The following NKAIN2 variants were observed in gnomAD, a reference collection of about 807,000 sequenced individuals.
NKAIN2 encodes sodium/potassium-transporting ATPase subunit beta-1-interacting protein 2.
NKAIN2 carries 14 observed loss-of-function variants against 32.6 expected under a neutral mutation model. The ratio of observed to expected loss-of-function variants is 0.43; its 90% confidence interval spans 0.28 to 0.67. NKAIN2 has a LOEUF of 0.67. NKAIN2 is among the 30% of genes least tolerant of loss of function. The pLI is 0.17. For synonymous variants in NKAIN2, 80 were observed against 87.2 expected (o/e 0.92, Z 0.46); for missense variants, 198 against 258.3 (o/e 0.77, Z 1.60).
At chr6:123,916,725 GAT>G (rs757712867) in intron 1 of NKAIN2, among the ~76,000 whole-genome samples, 1 of 150,912 alleles carries the variant, frequency 6.6e-6, no homozygotes, top group East Asian at 1.9e-4. Context: ...TTGAGATGTA[GAT>G]ATATATGTGT....
At chr6:124,710,506 G>A (rs1056125242) in intron 4 of NKAIN2, among the ~76,000 whole-genome samples, 16 of 152,046 alleles carry the variant, frequency 1.1e-4, no homozygotes, top group Non-Finnish European at 2.1e-4. Context: ...TTATGAATCT[G>A]GGTGCTCCTG....
intron 1 of NKAIN2, among the ~76,000 whole-genome samples, chr6:124,069,457 C>G (rs565862671): frequency 6.6e-6 from 1 of 152,038 alleles, no homozygotes; most frequent in Admixed American, 6.6e-5. Context: ...ATCAAGAGTA[C>G]GCAAAATGAA....
chr6:124,693,242 C>T (rs1209544114), intron 4 of NKAIN2, among the ~76,000 whole-genome samples: 1 of 152,128 alleles, frequency 6.6e-6, no homozygotes, highest in Non-Finnish European at 1.5e-5. Flanking sequence ...TAGGTTTAGA[C>T]ATGTTTAGAT....
At chr6:124,804,419 T>G in intron 5 of NKAIN2, 1 of 714,898 alleles carries the variant, frequency 1.4e-6, no homozygotes, top group Non-Finnish European at 1.7e-6. Flanking sequence ...CTTTATTTAT[T>G]ATGATACTAT....
chr6:124,578,264 G>T (rs1277131447), intron 3 of NKAIN2, among the ~76,000 whole-genome samples: 1 of 152,010 alleles, frequency 6.6e-6, no homozygotes, highest in African/African-American at 2.4e-5. Flanking sequence ...GCAGGATCTT[G>T]GGGTCCCTGA....
At chr6:123,849,978 T>TTTTTTTTTTTTTTTTTTTTTTTG (rs1775260980) in intron 1 of NKAIN2, among the ~76,000 whole-genome samples, 1 of 140,926 alleles carries the variant, frequency 7.1e-6, no homozygotes, top group African/African-American at 2.5e-5. Context: ...TTGTTTTTTT[T>TTTTTTTTTTTTTTTTTTTTTTTG]TTAACTTTCT....
At chr6:124,270,466 A>G (rs949078613) in intron 1 of NKAIN2, among the ~76,000 whole-genome samples, 8 of 152,226 alleles carry the variant, frequency 5.3e-5, no homozygotes, top group Non-Finnish European at 1.5e-5. Context: ...CAAATTCTCC[A>G]GAGGGCAGCT....
At chr6:123,984,895 C>A (rs1251389486) in intron 1 of NKAIN2, among the ~76,000 whole-genome samples, 1 of 151,998 alleles carries the variant, frequency 6.6e-6, no homozygotes, top group Non-Finnish European at 1.5e-5. Context: ...ATTCAATAAG[C>A]AAAATTATGA....
At chr6:123,953,609 T>C (rs1777425178) in intron 1 of NKAIN2, among the ~76,000 whole-genome samples, 1 of 152,126 alleles carries the variant, frequency 6.6e-6, no homozygotes, top group Non-Finnish European at 1.5e-5. Flanking sequence ...TGGGCCCAAC[T>C]TCAGGCCCCT....
rs562403138 is a variant in NKAIN2, at chr6:124,716,287, T to C, written c.474+57901T>C. ...ACAGGGTAGTTGCCACTTTAGCTTT[T>C]GAGTTTCCCAAACAAGTTTTTTATC... On this transcript the variant is annotated intron_variant, in intron 4 of 6. Coordinates refer to ENST00000368417, the MANE Select transcript of NKAIN2 (RefSeq NM_001040214.3). Among the ~76,000 whole-genome samples the C allele has an allele frequency of 7.2e-5, 11 of 152,348 alleles. No individual in the cohort carries two copies. The East Asian group carries it at 2.1e-3, about 29-fold the overall frequency.
In NKAIN2 at chr6:124,322,792, A is replaced by C. The variant is rs78146007; in HGVS notation, c.193-32475A>C. The stretch of plus-strand genomic sequence containing the variant: ...ATAAAGACTCAGCAGTGTAATTGGC[A>C]TATCATATGGTCAGTAGGCTTTTCT... On this transcript the variant is annotated intron_variant, in intron 2 of 6. Coordinates refer to ENST00000368417, the MANE Select transcript of NKAIN2 (RefSeq NM_001040214.3). Among the ~76,000 whole-genome samples the C allele has an allele frequency of 6.5e-3, 994 of 152,284 alleles. 6 individuals carry two copies. The highest frequency in any genetic ancestry group is 0.022 in the African/African-American group (911 of 41,550).
chr6:123,969,292 CAT>C (rs1778230260), intron 1 of NKAIN2, among the ~76,000 whole-genome samples: 1 of 151,934 alleles, frequency 6.6e-6, no homozygotes. Context: ...TGAGGTAAAA[CAT>C]ATATTTTTAT....
At chr6:124,610,688 G>T (rs1232764594) in intron 3 of NKAIN2, among the ~76,000 whole-genome samples, 1 of 152,026 alleles carries the variant, frequency 6.6e-6, no homozygotes, top group Non-Finnish European at 1.5e-5. Flanking sequence ...ATGCAATCTT[G>T]CCCCATCTGG....
chr6:124,119,425 C>A (rs1187315308), intron 1 of NKAIN2, among the ~76,000 whole-genome samples: 1 of 152,134 alleles, frequency 6.6e-6, no homozygotes, highest in East Asian at 1.9e-4. Flanking sequence ...ATCTCCTTAT[C>A]AGGAAGTTGG....
At chr6:123,915,277 G>A (rs1260740861) in intron 1 of NKAIN2, among the ~76,000 whole-genome samples, 3 of 151,952 alleles carry the variant, frequency 2.0e-5, no homozygotes, top group East Asian at 1.9e-4. Context: ...TTCCACCCTC[G>A]TTTATTTTGG....
At chr6:124,185,985 G>A (rs927025557) in intron 1 of NKAIN2, among the ~76,000 whole-genome samples, 3 of 151,040 alleles carry the variant, frequency 2.0e-5, no homozygotes, top group Non-Finnish European at 2.9e-5. Flanking sequence ...AATAGGAACC[G>A]TAGAAGCTCG....
intron 4 of NKAIN2, among the ~76,000 whole-genome samples, chr6:124,769,544 A>T (rs1297408552): frequency 6.6e-6 from 1 of 152,136 alleles, no homozygotes; most frequent in African/African-American, 2.4e-5. Flanking sequence ...CAACTAGATT[A>T]ACTTTGAAAG....
At chr6:124,132,768 G>A (rs748047880) in intron 1 of NKAIN2, among the ~76,000 whole-genome samples, 1 of 152,202 alleles carries the variant, frequency 6.6e-6, no homozygotes, top group Non-Finnish European at 1.5e-5. Context: ...CTGAGGACTG[G>A]TCACATCACA....
intron 3 of NKAIN2, among the ~76,000 whole-genome samples, chr6:124,656,804 G>A (rs1167362151): frequency 6.6e-6 from 1 of 152,090 alleles, no homozygotes; most frequent in East Asian, 1.9e-4. Context: ...CATTACTTTA[G>A]ATCCATGATA....
Sources: gnomAD v4.1 joint callset for allele counts (sites outside exome capture counted in the v4.1 genomes callset) on GRCh38, gnomAD v4.1.1 for gene constraint, MANE v1.5 for transcripts, NCBI Gene and HGNC (gene_info 2026-07-23, HGNC 2026-07-21) for gene names.